ANKRD28: variants seen among roughly 807,000 people sequenced by gnomAD.
The protein encoded by ANKRD28 is ankyrin repeat domain 28.
Under a neutral mutation model 126.5 loss-of-function variants are expected in ANKRD28, and 44 were observed. The ratio of observed to expected loss-of-function variants is 0.35; its 90% CI spans 0.27 to 0.45. The LOEUF (loss-of-function observed/expected upper bound fraction) is 0.45. ANKRD28 is among the 20% of genes least tolerant of loss of function. The pLI is 1.00. For synonymous variants in ANKRD28, 442 were observed against 468.5 expected, an observed-to-expected ratio of 0.94 and a Z score of 0.73; for missense variants, 1,110 against 1,316.6, an observed-to-expected ratio of 0.84 and a Z score of 2.43.
At chr3:15,679,267 GC>G (rs768781563) in intron 23 of ANKRD28, 33 bp downstream of exon 23, 1 of 1,597,414 alleles carries the variant, frequency 6.3e-7, no homozygotes, top group Admixed American at 1.7e-5. Context: ...ACTGTGCCTG[GC>G]TAAAACTATT....
At chr3:15,847,160 AG>A (rs983359004) in intron 1 of ANKRD28, among the ~76,000 whole-genome samples, 2 of 152,222 alleles carry the variant, frequency 1.3e-5, no homozygotes, top group South Asian at 4.1e-4. Context: ...CTCCAAAGTT[AG>A]GAAACAGTGG....
intron 1 of ANKRD28, among the ~76,000 whole-genome samples, chr3:15,826,366 T>C (rs916205161): frequency 3.9e-5 from 6 of 152,142 alleles, no homozygotes; most frequent in Admixed American, 6.5e-5. Flanking sequence ...TTACAACAAA[T>C]GTATTATCAT....
intron 1 of ANKRD28, among the ~76,000 whole-genome samples, chr3:15,825,371 A>G (rs1257852868): frequency 1.3e-5 from 2 of 152,222 alleles, no homozygotes; most frequent in East Asian, 1.9e-4. Flanking sequence ...TCTCAATGGA[A>G]TATCAGTGAT....
intron 2 of ANKRD28, among the ~76,000 whole-genome samples, chr3:15,774,548 T>C (rs1041890550): frequency 6.6e-6 from 1 of 152,144 alleles, no homozygotes; most frequent in African/African-American, 2.4e-5. Context: ...TGCAAATATA[T>C]TATAAAACTA....
At chr3:15,798,699 A>G (rs1157351224), upstream of ANKRD28, among the ~76,000 whole-genome samples, 1 of 152,098 alleles carries the variant, frequency 6.6e-6, no homozygotes, top group Non-Finnish European at 1.5e-5. Flanking sequence ...GGCACAGGGT[A>G]ATACAAATAA....
chr3:15,835,872 A>T (rs961184240), intron 1 of ANKRD28, among the ~76,000 whole-genome samples: 6 of 152,250 alleles, frequency 3.9e-5, no homozygotes, highest in African/African-American at 1.4e-4. Context: ...ATGAATCCAC[A>T]GGAAGAAATA....
At chr3:15,700,207 T>C (rs1489256262) in intron 14 of ANKRD28, among the ~76,000 whole-genome samples, 3 of 152,040 alleles carry the variant, frequency 2.0e-5, no homozygotes, top group Non-Finnish European at 4.4e-5. Context: ...GAGGGGAACA[T>C]TACACACACA....
At chr3:15,844,058 G>T (rs1367730618) in intron 1 of ANKRD28, among the ~76,000 whole-genome samples, 2 of 152,130 alleles carry the variant, frequency 1.3e-5, no homozygotes, top group Non-Finnish European at 2.9e-5. Flanking sequence ...GAAGAATAAA[G>T]CTCCATAATG....
intron 7 of ANKRD28, among the ~76,000 whole-genome samples, chr3:15,723,256 T>A (rs1197156160): frequency 6.6e-6 from 1 of 152,234 alleles, no homozygotes; most frequent in African/African-American, 2.4e-5. Flanking sequence ...AGGCAAAGTG[T>A]TTCACATGGT....
At chr3:15,795,429 C>A in intron 1 of ANKRD28, 123 bp from the exon 2 acceptor site, 1 of 577,048 alleles carries the variant, frequency 1.7e-6, no homozygotes, top group African/African-American at 1.9e-5. Context: ...TTGACATTAG[C>A]CAGAAGTTTC....
Position 15,829,331 on chromosome 3 carries a change from T to A in ANKRD28, c.27+30046A>T, listed in dbSNP as rs951249412. The stretch of plus-strand genomic sequence containing the variant: ...TGCTTTTGCATTCAATTTGCTGCAA[T>A]AAGTTATCATGGTTCAAGTATATGA... On this transcript the variant is annotated intron_variant, in intron 1 of 27. Coordinates refer to the ANKRD28 transcript ENST00000399451. Among the ~76,000 whole-genome samples, 34 of 152,320 alleles carry A rather than the reference T, an allele frequency of 2.2e-4. 5 individuals are homozygous for A. Among genetic ancestry groups the A allele is most frequent in the Admixed American group, 9.8e-4 (15 of 15,298 alleles).
At position 15,854,234 on chromosome 3, in the gene ANKRD28, T is replaced by G. The variant is rs1167227379; in HGVS notation, c.27+5143A>C. 2.0e-5 allele frequency among the ~76,000 whole-genome samples: 3 copies of G among 152,254 alleles called. No individual in the cohort carries two copies. The highest frequency in any genetic ancestry group is 4.4e-5 in the Non-Finnish European group (3 of 68,042). The stretch of plus-strand genomic sequence containing the variant: ...AAACTTCTCAGCCTGGGATTCAAAG[T>G]ACTTAATGTAGTCACTGTTAACTAA... On this transcript the variant is annotated intron_variant, in intron 1 of 27. Transcript: ENST00000399451. This position sits in a 1 kb window ranked among gnomAD's most constrained non-coding sequence, Gnocchi z 4.1.
At chr3:15,857,874 G>A (rs542680060) in intron 1 of ANKRD28, among the ~76,000 whole-genome samples, 77 of 152,304 alleles carry the variant, frequency 5.1e-4, no homozygotes, top group African/African-American at 1.8e-3. Flanking sequence ...ACATCGATCA[G>A]TCATTACTTC....
At chr3:15,761,267 T>C (rs921793114) in intron 3 of ANKRD28, among the ~76,000 whole-genome samples, 1 of 152,160 alleles carries the variant, frequency 6.6e-6, no homozygotes. Context: ...AAATGTGGTG[T>C]TGGTAATTAA....
intron 15 of ANKRD28, 109 bp downstream of exon 15, chr3:15,696,025 G>T: frequency 1.3e-6 from 1 of 773,106 alleles, no homozygotes; most frequent in Non-Finnish European, 2.1e-6. Context: ...TTCTGAAAAT[G>T]TTAAAAAACA....
rs2074105490 is a variant in ANKRD28 at position 15,725,703 on chromosome 3, CA to C, written c.641-1180del. Among the ~76,000 whole-genome samples, 3 of 152,094 alleles carry C rather than the reference CA, an allele frequency of 2.0e-5. No individual in the cohort carries two copies. The South Asian group carries it at 6.2e-4, about 31-fold the overall frequency. On this transcript the variant is annotated intron_variant, in intron 6 of 27. Coordinates refer to ENST00000683139, the MANE Select transcript of ANKRD28 (RefSeq NM_001349278.2). ...GTGATCTGTGATCACTGATCTTTGA[CA>C]TTCCTACTGTAATTGTTTTGGGGCA... is the stretch of plus-strand genomic sequence containing the variant.
intron 14 of ANKRD28, among the ~76,000 whole-genome samples, chr3:15,700,960 A>C (rs1264401797): frequency 3.3e-5 from 5 of 152,214 alleles, no homozygotes; most frequent in Admixed American, 3.3e-4. Context: ...TCAAATTCCA[A>C]GTCTATAATT....
intron 7 of ANKRD28, among the ~76,000 whole-genome samples, chr3:15,722,946 A>G (rs1254400668): frequency 6.6e-6 from 1 of 151,996 alleles, no homozygotes; most frequent in African/African-American, 2.4e-5. Flanking sequence ...AACAAAAAAC[A>G]AAAAAACACC....
intron 14 of ANKRD28, chr3:15,697,166 T>C (rs2069718074): frequency 6.6e-6 from 1 of 152,166 alleles, no homozygotes; most frequent in South Asian, 2.1e-4. Context: ...GAGATCATTA[T>C]TCTAAGTGAA....
Sources: allele counts gnomAD v4.1 joint callset (sites outside exome capture counted in the v4.1 genomes callset), GRCh38; gene constraint gnomAD v4.1.1; non-coding constraint Gnocchi (gnomAD v3.1); transcripts MANE v1.5; gene names NCBI Gene and HGNC (gene_info 2026-07-23, HGNC 2026-07-21).